Variants in USH2A observed in about 807,000 individuals in gnomAD.
USH2A encodes usherin, also known as Usher syndrome 2A (autosomal recessive, mild).
USH2A carries 443 observed loss-of-function variants against 538.9 expected under a neutral mutation model. The observed-to-expected ratio is 0.82, with a 90% CI of 0.76 to 0.89. USH2A has a LOEUF of 0.89. USH2A is among the 40% of genes least tolerant of loss of function. The pLI, the probability that USH2A is intolerant of heterozygous loss-of-function variation, is 0.00. For synonymous variants in USH2A, 2,413 were observed against 2,273.5 expected (o/e 1.06, Z -1.75); for missense variants, 6,633 against 6,324.8 (o/e 1.05, Z -1.65).
chr1:215,989,775 G>A (rs1166394776), intron 35 of USH2A, among the ~76,000 whole-genome samples: 1 of 151,976 alleles, frequency 6.6e-6, no homozygotes, highest in African/African-American at 2.4e-5. Context: ...AGCAAGCAGA[G>A]AGATGGAGAC....
At chr1:216,191,064 CAATT>C (rs1426652685) in intron 19 of USH2A, among the ~76,000 whole-genome samples, 1 of 151,896 alleles carries the variant, frequency 6.6e-6, no homozygotes, top group African/African-American at 2.4e-5. Context: ...AATTATTAAA[CAATT>C]AACATTGAGA....
At chr1:216,176,086 T>C (rs2034376418) in intron 20 of USH2A, among the ~76,000 whole-genome samples, 1 of 152,228 alleles carries the variant, frequency 6.6e-6, no homozygotes. Context: ...GAAGGAATAT[T>C]AACACGAGTT....
chr1:216,357,398 C>T (rs2038409859), intron 4 of USH2A, among the ~76,000 whole-genome samples: 1 of 151,956 alleles, frequency 6.6e-6, no homozygotes, highest in South Asian at 2.1e-4. Flanking sequence ...ATGATTTCAG[C>T]TGAACTAAAA....
At position 216,198,303 on chromosome 1, in the gene USH2A, A is replaced by G. The variant is rs1254845238; in HGVS notation, c.4081+12T>C. On this transcript the variant is annotated intron_variant, in intron 18 of 71. Transcript: ENST00000307340. ...AGGTTTTAAAAGTAGAATTTAAAAC[A>G]TTGATCTTTACCTGATTCTCCCGTT... The G allele has an allele frequency of 6.2e-7, 1 of 1,613,910 alleles. No homozygotes were observed. Among genetic ancestry groups the G allele is most frequent in the Non-Finnish European group, 8.5e-7 (1 of 1,179,934 alleles).
intron 38 of USH2A, among the ~76,000 whole-genome samples, chr1:215,920,694 A>T (rs1666076816): frequency 3.3e-5 from 5 of 152,050 alleles, no homozygotes; most frequent in Admixed American, 3.3e-4. Context: ...CAAGTGGTGG[A>T]TAAGTTGAAT....
chr1:215,959,353 C>T (rs1455878078), intron 37 of USH2A, among the ~76,000 whole-genome samples: 1 of 152,066 alleles, frequency 6.6e-6, no homozygotes, highest in Non-Finnish European at 1.5e-5. Context: ...TGATTATGCT[C>T]ATTTCATGAG....
chr1:215,860,772 CTTAAT>C (rs1460320320), intron 44 of USH2A, among the ~76,000 whole-genome samples: 2 of 152,168 alleles, frequency 1.3e-5, no homozygotes, highest in African/African-American at 4.8e-5. Flanking sequence ...TATTAGATCT[CTTAAT>C]TTATTTGTCT....
At chr1:215,823,807 T>A (rs1663080389) in intron 47 of USH2A, among the ~76,000 whole-genome samples, 1 of 152,022 alleles carries the variant, frequency 6.6e-6, no homozygotes, top group South Asian at 2.1e-4. Flanking sequence ...CTGATCTAGT[T>A]TGCTATTGAG....
rs749723354 is a variant in USH2A, at chr1:215,628,833, A to G, written c.15500T>C (p.Met5167Thr). Reference sequence around the variant, plus strand: ...ACTCACCAGTCCACTGTTGTGGCCCATGATGGCTTCCCACAGTGAGTTGTC... The same window carrying G: ...ACTCACCAGTCCACTGTTGTGGCCCGTGATGGCTTCCCACAGTGAGTTGTC... The part of the protein sequence containing the change: ...LMDNSLWEAI[M>T]GHNSGLYVDE... The change falls in exon 71 of 72, where the codon ATG (methionine) becomes ACG (threonine). Residue 5167 changes from methionine (M) to threonine (T), a missense_variant. Coordinates refer to ENST00000307340, the MANE Select transcript of USH2A (RefSeq NM_206933.4). The G allele has an allele frequency of 1.9e-6, 3 of 1,614,182 alleles. No homozygotes were observed. The highest frequency in any genetic ancestry group is 4.5e-5 in the East Asian group (2 of 44,862).
chr1:216,298,735 T>G (rs555854028), intron 9 of USH2A, among the ~76,000 whole-genome samples: 61 of 152,352 alleles, frequency 4.0e-4, no homozygotes, highest in African/African-American at 1.4e-3. Context: ...AAAGGGCCAG[T>G]GCAGAACACT....
intron 58 of USH2A, among the ~76,000 whole-genome samples, chr1:215,751,759 A>G (rs1660628728): frequency 6.6e-6 from 1 of 152,114 alleles, no homozygotes; most frequent in Non-Finnish European, 1.5e-5. Flanking sequence ...AATGCTTAGG[A>G]ATAATCTAAG....
chr1:216,225,606 T>C (rs990878876), intron 14 of USH2A, among the ~76,000 whole-genome samples: 2 of 152,180 alleles, frequency 1.3e-5, no homozygotes, highest in Non-Finnish European at 2.9e-5. Context: ...TTGCTTTCCA[T>C]AGCACTTTCC....
chr1:216,349,872 G>A (rs1318630999), intron 4 of USH2A, among the ~76,000 whole-genome samples: 8 of 152,076 alleles, frequency 5.3e-5, no homozygotes, highest in African/African-American at 1.9e-4. Flanking sequence ...TTAGACATCA[G>A]TAACAAAGGA....
chr1:216,205,793 T>C (rs1366445232), intron 16 of USH2A, among the ~76,000 whole-genome samples: 1 of 152,198 alleles, frequency 6.6e-6, no homozygotes, highest in Non-Finnish European at 1.5e-5. Context: ...TAGCTAAACA[T>C]GGCTAGAAGC....
intron 38 of USH2A, among the ~76,000 whole-genome samples, chr1:215,924,021 C>A (rs1666171136): frequency 6.6e-6 from 1 of 151,974 alleles, no homozygotes; most frequent in African/African-American, 2.4e-5. Flanking sequence ...ACACCACACC[C>A]AGCCCATTCG....
At chr1:216,365,125 A>C (rs1467533112) in intron 3 of USH2A, 40 bp from the exon 4 acceptor site, 2 of 1,586,988 alleles carry the variant, frequency 1.3e-6, no homozygotes, top group Non-Finnish European at 1.7e-6. Flanking sequence ...AAGTGCATAA[A>C]CTTTTATTTT....
chr1:216,096,016 T>C (rs977142466), intron 22 of USH2A, among the ~76,000 whole-genome samples: 1 of 151,450 alleles, frequency 6.6e-6, no homozygotes, highest in Non-Finnish European at 1.5e-5. Flanking sequence ...ATATTTTACT[T>C]AGTCTTACTC....
At chr1:216,340,764 A>C (rs902914829) in intron 4 of USH2A, among the ~76,000 whole-genome samples, 1 of 152,114 alleles carries the variant, frequency 6.6e-6, no homozygotes, top group Non-Finnish European at 1.5e-5. Context: ...ATCTCGATAG[A>C]TGTAGAAAAG....
At chr1:215,942,347 G>A (rs1231729681) in intron 37 of USH2A, among the ~76,000 whole-genome samples, 2 of 152,044 alleles carry the variant, frequency 1.3e-5, no homozygotes, top group African/African-American at 4.8e-5. Flanking sequence ...TATCACCTTT[G>A]TTCTGTTCTA....
Sources: allele counts gnomAD v4.1 joint callset (sites outside exome capture counted in the v4.1 genomes callset), GRCh38; gene constraint gnomAD v4.1.1; transcripts MANE v1.5; gene names NCBI Gene and HGNC (gene_info 2026-07-23, HGNC 2026-07-21).